Variants in STAG1 observed in about 807,000 individuals in gnomAD.
STAG1 encodes the protein cohesin subunit SA-1.
In STAG1, 26 loss-of-function variants were observed where a neutral mutation model predicts 170.9. The observed-to-expected ratio is 0.15, with a 90% CI of 0.11 to 0.21. The LOEUF is 0.21. STAG1 is among the 10% of genes least tolerant of loss of function. STAG1 has a pLI of 1.00. For missense variants in STAG1, 964 were observed against 1,509.5 expected, an observed-to-expected ratio of 0.64 and a Z score of 5.99; for synonymous variants, 514 against 497.7, an observed-to-expected ratio of 1.03 and a Z score of -0.44.
intron 1 of STAG1, among the ~76,000 whole-genome samples, chr3:136,678,961 ATTTTATTTCAAC>A (rs1942239042): frequency 6.9e-6 from 1 of 145,702 alleles, no homozygotes; most frequent in Non-Finnish European, 1.5e-5. Context: ...AGCAGGGCAA[ATTTTATTTCAAC>A]AAAGAATATC....
chr3:136,487,516 A>G (rs1215526388), intron 9 of STAG1, among the ~76,000 whole-genome samples: 2 of 152,178 alleles, frequency 1.3e-5, no homozygotes, highest in Admixed American at 1.3e-4. Context: ...ATCCTTTTCC[A>G]GACTTGCAAT....
intron 5 of STAG1, among the ~76,000 whole-genome samples, chr3:136,548,667 C>T (rs555252430): frequency 1.3e-4 from 20 of 152,228 alleles, no homozygotes; most frequent in African/African-American, 4.6e-4. Flanking sequence ...GGATGTCTTT[C>T]CATTTGTTTG....
intron 12 of STAG1, among the ~76,000 whole-genome samples, chr3:136,470,751 T>C (rs1248419337): frequency 5.9e-5 from 9 of 152,052 alleles, no homozygotes; most frequent in Non-Finnish European, 1.3e-4. Context: ...CCATCAATGA[T>C]AGACTGGATT....
At chr3:136,568,964 C>A (rs986518540) in intron 4 of STAG1, 103 bp from the exon 5 acceptor site, 2 of 748,206 alleles carry the variant, frequency 2.7e-6, no homozygotes, top group Non-Finnish European at 4.4e-6. Context: ...TCTATCTGAA[C>A]GAGAAAATTA....
At chr3:136,702,574 T>C (rs1943115599) in intron 1 of STAG1, among the ~76,000 whole-genome samples, 2 of 151,956 alleles carry the variant, frequency 1.3e-5, no homozygotes, top group Non-Finnish European at 2.9e-5. Flanking sequence ...TTAGTAGAGA[T>C]GGGTTTTCAC....
chr3:136,680,862 T>C (rs1440345701), intron 1 of STAG1, among the ~76,000 whole-genome samples: 2 of 151,716 alleles, frequency 1.3e-5, no homozygotes, highest in Non-Finnish European at 2.9e-5. Context: ...TCAATATCCA[T>C]GGGGGATTGG....
chr3:136,426,310 T>G (rs1207160193), intron 16 of STAG1, among the ~76,000 whole-genome samples: 1 of 152,182 alleles, frequency 6.6e-6, no homozygotes, highest in Admixed American at 6.5e-5. Context: ...CTCTGGAGGC[T>G]GAGGCAAGAG....
At chr3:136,369,491 C>A (rs1937209203) in intron 23 of STAG1, among the ~76,000 whole-genome samples, 1 of 151,912 alleles carries the variant, frequency 6.6e-6, no homozygotes. Flanking sequence ...AGACTTTTCC[C>A]AAATATAACC....
chr3:136,742,810 A>T (rs796182474), intron 1 of STAG1, among the ~76,000 whole-genome samples: 13 of 152,316 alleles, frequency 8.5e-5, no homozygotes, highest in African/African-American at 3.1e-4. Context: ...GTCAAGGTAA[A>T]TTATAAACAT....
intron 6 of STAG1, 93 bp from the exon 7 acceptor site, chr3:136,521,510 T>A (rs1934669140): frequency 9.3e-7 from 1 of 1,075,982 alleles, no homozygotes; most frequent in African/African-American, 1.6e-5. Context: ...GAACCCTTTT[T>A]TGCAAAGCAG....
chr3:136,660,253 A>G (rs940413511), intron 1 of STAG1, among the ~76,000 whole-genome samples: 2 of 152,216 alleles, frequency 1.3e-5, no homozygotes, highest in East Asian at 3.9e-4. Context: ...GTTTACCAGT[A>G]AAGTCATTTC....
At chr3:136,451,136 C>T (rs796755189) in intron 14 of STAG1, among the ~76,000 whole-genome samples, 6 of 150,170 alleles carry the variant, frequency 4.0e-5, no homozygotes, top group Admixed American at 2.0e-4. Context: ...TCCAATGACA[C>T]GGCAGTAGTA....
chr3:136,690,056 C>CAAAAAAAAAAAAAAAAAAAGAAAAA (rs1942669246), intron 1 of STAG1, among the ~76,000 whole-genome samples: 1 of 56,406 alleles, frequency 1.8e-5, no homozygotes, highest in Non-Finnish European at 3.2e-5. Flanking sequence ...AAAAGCAAAC[C>CAAAAAAAAAAAAAAAAAAAGAAAAA]AAAAAAAAAA....
intron 1 of STAG1, among the ~76,000 whole-genome samples, chr3:136,704,039 T>C (rs1159139848): frequency 6.9e-6 from 1 of 145,510 alleles, no homozygotes; most frequent in Admixed American, 6.9e-5. Flanking sequence ...AAAACACAGA[T>C]TGGCATAAAT....
intron 1 of STAG1, among the ~76,000 whole-genome samples, chr3:136,717,606 G>A (rs568429264): frequency 1.2e-4 from 18 of 152,294 alleles, no homozygotes; most frequent in Non-Finnish European, 1.9e-4. Context: ...GGAGGGTGCA[G>A]TGAGCGGAGA....
intron 2 of STAG1, among the ~76,000 whole-genome samples, chr3:136,630,119 C>T (rs6784582): frequency 0.72 from 108,976 of 151,920 alleles, 39,122 homozygotes; most frequent in East Asian, 0.85. Context: ...CGCTTGAACC[C>T]GGAAGGCAGA....
chr3:136,413,492 CTT>C (rs1310096352), intron 21 of STAG1, among the ~76,000 whole-genome samples: 1 of 151,178 alleles, frequency 6.6e-6, no homozygotes, highest in African/African-American at 2.4e-5. Context: ...GAGTTTTGCT[CTT>C]GTTGCCCAGG....
At chr3:136,349,514 A>T (rs899645634) in intron 28 of STAG1, 151 bp from the exon 29 acceptor site, 3 of 639,384 alleles carry the variant, frequency 4.7e-6, no homozygotes, top group Admixed American at 5.7e-5. Flanking sequence ...TTGGAAAGAG[A>T]GGGACTGAGG....
chr3:136,526,680 C>T (rs1277124367), intron 6 of STAG1, among the ~76,000 whole-genome samples: 2 of 152,162 alleles, frequency 1.3e-5, no homozygotes, highest in Admixed American at 6.5e-5. Flanking sequence ...GCAGTTTCTT[C>T]CTAGCATCCA....
Sources: gnomAD v4.1 joint callset for allele counts (sites outside exome capture counted in the v4.1 genomes callset) on GRCh38, gnomAD v4.1.1 for gene constraint, MANE v1.5 for transcripts, NCBI Gene and HGNC (gene_info 2026-07-23, HGNC 2026-07-21) for gene names.